The following EHMT1 variants were observed in gnomAD, a reference collection of about 807,000 sequenced individuals.
The protein encoded by EHMT1 is histone-lysine N-methyltransferase EHMT1.
A neutral mutation model predicts 147.2 loss-of-function variants in EHMT1; 15 were observed. The ratio of observed to expected loss-of-function variants is 0.10; its 90% confidence interval spans 0.07 to 0.16. The LOEUF (loss-of-function observed/expected upper bound fraction) is 0.16. Ranked by LOEUF, EHMT1 falls within the 10% of genes least tolerant of loss-of-function variation. The pLI is 1.00. For missense variants in EHMT1, 1,587 were observed against 1,772.4 expected (o/e 0.90, Z 1.88); for synonymous variants, 795 against 709.6 (o/e 1.12, Z -1.91).
intron 22 of EHMT1, chr9:137,815,568 G>T: frequency 2.9e-6 from 1 of 338,988 alleles, no homozygotes; most frequent in Non-Finnish European, 5.8e-6. Context: ...AGGCAAGGAG[G>T]CCAGGAGTGC....
intron 3 of EHMT1, among the ~76,000 whole-genome samples, chr9:137,718,934 T>G (rs962104859): frequency 2.6e-5 from 4 of 151,956 alleles, no homozygotes; most frequent in African/African-American, 9.7e-5. Context: ...TTTTGTATTT[T>G]TAGTAGAGAT....
At position 137,619,399 on chromosome 9, in the gene EHMT1, GGGCCTC is replaced by G. The variant is rs1482669555; in HGVS notation, c.21+355_21+360del. Reference sequence around the variant, plus strand: ...CGCCCGCAAGCCGGATCTGCGGGGAGGGCCTCGGCCAGGGTGCCGGGGAGGTGCGGA... The same window carrying G: ...CGCCCGCAAGCCGGATCTGCGGGGAGGGCCAGGGTGCCGGGGAGGTGCGGA... On this transcript the variant is annotated intron_variant, in intron 1 of 26. Transcript: ENST00000460843. 2.0e-5 allele frequency among the ~76,000 whole-genome samples: 3 copies of G among 151,970 alleles called. No homozygotes were observed. In the East Asian group the frequency reaches 5.9e-4, roughly 30 times the overall value.
intron 3 of EHMT1, among the ~76,000 whole-genome samples, chr9:137,724,396 G>A (rs144534126): frequency 5.3e-5 from 8 of 152,304 alleles, no homozygotes; most frequent in East Asian, 1.9e-4. Context: ...GGGATGGGCC[G>A]GCCGTGCTGC....
rs139959500 is a variant in EHMT1, at chr9:137,732,280, G to A, written c.823+3751G>A. On this transcript the variant is annotated intron_variant, in intron 4 of 26. Coordinates refer to ENST00000460843, the MANE Select transcript of EHMT1 (RefSeq NM_024757.5). This position sits in a 1 kb window ranked among gnomAD's most constrained non-coding sequence, Gnocchi z 4.6. ...TCTTCACTCCCGCAGTTCAGCGAAC[G>A]GGAGCGTGTCACTGCCTGCAGCTCA... is the stretch of plus-strand genomic sequence containing the variant. Among the ~76,000 whole-genome samples, 312 of 152,370 alleles carry A rather than the reference G, an allele frequency of 2.0e-3. 4 individuals carry two copies. Among genetic ancestry groups the A allele is most frequent in the Admixed American group, 0.018 (272 of 15,306 alleles).
At chr9:137,631,155 C>T (rs572369173) in intron 1 of EHMT1, among the ~76,000 whole-genome samples, 8 of 152,116 alleles carry the variant, frequency 5.3e-5, no homozygotes, top group South Asian at 2.1e-4. Context: ...GAGGCCGAGG[C>T]GGGTGGATTG....
chr9:137,717,474 G>A (rs1945447069), intron 3 of EHMT1, among the ~76,000 whole-genome samples: 1 of 151,972 alleles, frequency 6.6e-6, no homozygotes, highest in Admixed American at 6.6e-5. Context: ...ACTGGGCATA[G>A]TGGTGCGTAC....
At chr9:137,818,165 A>G (rs1173933134) in intron 25 of EHMT1, 27 bp downstream of exon 25, 2 of 1,611,466 alleles carry the variant, frequency 1.2e-6, no homozygotes, top group Middle Eastern at 1.7e-4. Context: ...GGTTGGGGCC[A>G]CGCAGAACTT....
Position 137,732,151 on chromosome 9 carries a change from A to G in EHMT1, c.823+3622A>G, listed in dbSNP as rs1164990212. ...TGGCCTGGCTCCACTGCTGCTTGCC[A>G]TCACACGGGGCAGCCGCCGACACCA... On this transcript the variant is annotated intron_variant, in intron 4 of 26. Transcript: ENST00000460843. The surrounding 1 kb of genome is among the most constrained non-coding windows in gnomAD (Gnocchi z 4.6). Among the ~76,000 whole-genome samples, 2 of 152,160 alleles carry G rather than the reference A, an allele frequency of 1.3e-5. No homozygotes were observed. The highest frequency in any genetic ancestry group is 2.9e-5 in the Non-Finnish European group (2 of 68,014).
intron 1 of EHMT1, among the ~76,000 whole-genome samples, chr9:137,620,501 G>C (rs1440618682): frequency 6.6e-6 from 1 of 152,026 alleles, no homozygotes; most frequent in Non-Finnish European, 1.5e-5. Flanking sequence ...CTGCAGCTTC[G>C]ACCACCCAGG....
intron 1 of EHMT1, among the ~76,000 whole-genome samples, chr9:137,622,455 A>T (rs1842995178): frequency 6.6e-6 from 1 of 152,086 alleles, no homozygotes; most frequent in Non-Finnish European, 1.5e-5. Context: ...GAAGCAGCCC[A>T]CTTGCATCTC....
Position 137,817,496 on chromosome 9 carries a change from G to T in EHMT1, c.3432G>T (p.Gln1144His). ...TGGGCTGGGGCGTGCGGTCCCTGCA[G>T]GACATCCCACCAGGCACCTTTGTCT... ...RDMGWGVRSL[Q>H]DIPPGTFVCE... The change falls in exon 24 of 27, where the codon CAG becomes CAT. Residue 1144 changes from glutamine (Q) to histidine (H), a missense_variant. Gln to His is a conservative substitution (Grantham distance 24). This residue lies in a region of EHMT1 where 156 missense variants were observed against 252.5 expected (regional missense o/e 0.62). Coordinates refer to ENST00000460843, the MANE Select transcript of EHMT1 (RefSeq NM_024757.5). 6.2e-7 allele frequency: 1 copy of T among 1,614,226 alleles called. No individual in the cohort carries two copies.
intron 1 of EHMT1, among the ~76,000 whole-genome samples, chr9:137,693,458 G>GAAACC (rs1479367479): frequency 1.3e-5 from 2 of 152,124 alleles, no homozygotes; most frequent in Non-Finnish European, 2.9e-5. Context: ...GAGAGGTTAA[G>GAAACC]AAACCAAGGT....
rs1947159619 is a variant in EHMT1, at chr9:137,732,081, C to T, written c.823+3552C>T. 6.6e-6 allele frequency among the ~76,000 whole-genome samples: 1 copy of T among 152,230 alleles called. No homozygotes were observed. The highest frequency in any genetic ancestry group is 6.5e-5 in the Admixed American group (1 of 15,292). ...AGTACGGGCTGGGGTGTGTTCCCAG[C>T]TCGTTCAGTTCTGCCGCTTTCGCCC... On this transcript the variant is annotated intron_variant, in intron 4 of 26. Coordinates refer to ENST00000460843, the MANE Select transcript of EHMT1 (RefSeq NM_024757.5). The surrounding 1 kb of genome is among the most constrained non-coding windows in gnomAD (Gnocchi z 4.6).
intron 4 of EHMT1, 164 bp from the exon 5 acceptor site, chr9:137,743,207 C>T (rs777003754): frequency 4.6e-5 from 33 of 709,854 alleles, no homozygotes; most frequent in Middle Eastern, 3.9e-4. Context: ...GGGAAGGATG[C>T]CTGTCACTGT....
rs748233505 is a variant in EHMT1 at position 137,775,287 on chromosome 9, G to A, written c.1791+35G>A. 10 of 1,602,404 alleles carry A rather than the reference G, an allele frequency of 6.2e-6. No individual in the cohort carries two copies. Among genetic ancestry groups the A allele is most frequent in the South Asian group, 4.4e-5 (4 of 90,760 alleles). On this transcript the variant is annotated intron_variant, in intron 11 of 26. Coordinates refer to ENST00000460843, the MANE Select transcript of EHMT1 (RefSeq NM_024757.5). The surrounding 1 kb of genome is among the most constrained non-coding windows in gnomAD (Gnocchi z 6.1). ...CAGTCCGGCAGCCTCTGAGTCCTCC[G>A]CAGGCTTTGCTGTCTGCTCACTGGT...
intron 1 of EHMT1, among the ~76,000 whole-genome samples, chr9:137,645,591 G>T (rs574606536): frequency 1.2e-4 from 18 of 152,220 alleles, no homozygotes; most frequent in South Asian, 2.1e-4. Context: ...AGCGAAGAGG[G>T]GCCTCCTGTA....
intron 15 of EHMT1, chr9:137,785,929 T>G (rs1588699794): frequency 6.6e-6 from 1 of 152,258 alleles, no homozygotes; most frequent in Non-Finnish European, 1.5e-5. Flanking sequence ...TTATGCTAAC[T>G]GAGTTGTCCA....
At chr9:137,648,436 C>G (rs1218090587) in intron 1 of EHMT1, among the ~76,000 whole-genome samples, 2 of 146,412 alleles carry the variant, frequency 1.4e-5, no homozygotes, top group Non-Finnish European at 3.0e-5. Flanking sequence ...GGGAGGACTG[C>G]TTGGGCCCAG....
intron 2 of EHMT1, among the ~76,000 whole-genome samples, chr9:137,714,589 G>A: frequency 8.0e-6 from 1 of 125,552 alleles, no homozygotes; most frequent in South Asian, 2.5e-4. Context: ...AATGAGACCT[G>A]TCACCCAGGC....
Sources: gnomAD v4.1 joint callset for allele counts (sites outside exome capture counted in the v4.1 genomes callset) on GRCh38, gnomAD v4.1.1 for gene constraint, gnomAD v4.1.1 regional missense constraint, Gnocchi (gnomAD v3.1) non-coding constraint, MANE v1.5 for transcripts, NCBI Gene and HGNC (gene_info 2026-07-23, HGNC 2026-07-21) for gene names.